The following RBFOX1 variants were observed in gnomAD, a reference collection of about 807,000 sequenced individuals.
RBFOX1 encodes the protein RNA binding fox-1 homolog 1, also known as RNA binding protein fox-1 homolog 1.
A neutral mutation model predicts 57.7 loss-of-function variants in RBFOX1; 8 were observed. That is an observed-to-expected ratio of 0.14 (90% confidence interval 0.08 to 0.25). The LOEUF (loss-of-function observed/expected upper bound fraction) is 0.25, where lower values mean the gene tolerates loss of function less well. Among genes scored for constraint, RBFOX1 ranks in the 10% least tolerant of loss-of-function variants. The pLI is 1.00. For missense variants in RBFOX1, 611 were observed against 548.5 expected, an observed-to-expected ratio of 1.11 and a Z score of -1.14; for synonymous variants, 326 against 222.4, an observed-to-expected ratio of 1.47 and a Z score of -4.15.
chr16:5,553,523 G>C (rs963227275), intron 2 of RBFOX1, among the ~76,000 whole-genome samples: 2 of 152,042 alleles, frequency 1.3e-5, no homozygotes, highest in African/African-American at 2.4e-5. Context: ...CACTGTGTTA[G>C]CCAGGATGGT....
At chr16:6,107,360 C>A (rs2096393810) in intron 1 of RBFOX1, among the ~76,000 whole-genome samples, 1 of 152,034 alleles carries the variant, frequency 6.6e-6, no homozygotes, top group Admixed American at 6.6e-5. Flanking sequence ...GGTGTTGCTT[C>A]TTTGAGATAA....
intron 2 of RBFOX1, among the ~76,000 whole-genome samples, chr16:6,600,585 A>G (rs1246342001): frequency 2.0e-5 from 3 of 152,184 alleles, no homozygotes; most frequent in Non-Finnish European, 4.4e-5. Flanking sequence ...GACCGTTAAT[A>G]TTACTTACAA....
In RBFOX1 at chr16:7,399,912, A is replaced by C. The variant is rs552507296; in HGVS notation, c.28-118235A>C. On this transcript the variant is annotated intron_variant, in intron 4 of 15. Transcript: ENST00000550418. ...AGTTCATTTTAACTTAGAATATTCA[A>C]CAACACAAAGCTAACACTTTTCTGT... 1.1e-4 allele frequency among the ~76,000 whole-genome samples: 16 copies of C among 152,312 alleles called. 1 individual carries two copies. Among genetic ancestry groups the C allele is most frequent in the Admixed American group, 1.0e-3 (16 of 15,282 alleles).
chr16:7,702,255 T>C (rs1004745967), intron 14 of RBFOX1, among the ~76,000 whole-genome samples: 1 of 152,242 alleles, frequency 6.6e-6, no homozygotes, highest in Admixed American at 6.5e-5. Flanking sequence ...TGAGGTGTCC[T>C]AAGCTCGGAA....
At chr16:5,270,268 A>C in intron 1 of RBFOX1, 2 of 608,140 alleles carry the variant, frequency 3.3e-6, no homozygotes, top group South Asian at 3.5e-5. Context: ...GATCAGTATG[A>C]TGTAAAAGCA....
intron 11 of RBFOX1, among the ~76,000 whole-genome samples, chr16:7,650,313 CTTTTTTTTT>C (rs35693712): frequency 7.2e-6 from 1 of 138,918 alleles, no homozygotes; most frequent in Non-Finnish European, 1.6e-5. Context: ...GTGGAACTCT[CTTTTTTTTT>C]TTTTTTTGGC....
intron 2 of RBFOX1, among the ~76,000 whole-genome samples, chr16:6,533,433 G>A (rs952371366): frequency 9.9e-5 from 15 of 152,144 alleles, no homozygotes; most frequent in Admixed American, 2.6e-4. Context: ...TCACTGCCAC[G>A]TGGCACCACC....
chr16:5,830,671 A>G (rs1428628932), intron 3 of RBFOX1, among the ~76,000 whole-genome samples: 1 of 152,208 alleles, frequency 6.6e-6, no homozygotes, highest in Non-Finnish European at 1.5e-5. Flanking sequence ...GCCAGATCAA[A>G]TCATGTCAGT....
chr16:7,313,629 A>G (rs1302283889), intron 4 of RBFOX1, among the ~76,000 whole-genome samples: 1 of 152,084 alleles, frequency 6.6e-6, no homozygotes, highest in Non-Finnish European at 1.5e-5. Context: ...AAATAATGAA[A>G]TAATCAATAA....
rs185148775 is a variant in RBFOX1, at chr16:7,370,421, A to G, written c.28-147726A>G. 1.6e-3 allele frequency among the ~76,000 whole-genome samples: 239 copies of G among 152,218 alleles called. 1 individual carries two copies. Among genetic ancestry groups the G allele is most frequent in the African/African-American group, 5.1e-3 (211 of 41,536 alleles). On this transcript the variant is annotated intron_variant, in intron 4 of 15. Transcript: ENST00000550418. The stretch of plus-strand genomic sequence containing the variant: ...CCTGTAACTGATTCTGAATTTTCCA[A>G]TTATATCTGCCAGGAATCACTGTAT...
chr16:6,957,337 T>C (rs1348177614), intron 3 of RBFOX1, among the ~76,000 whole-genome samples: 1 of 152,010 alleles, frequency 6.6e-6, no homozygotes, highest in Admixed American at 6.6e-5. Context: ...TTCACCATGT[T>C]AGCCAGGATG....
At chr16:7,454,368 G>C (rs910288008) in intron 4 of RBFOX1, among the ~76,000 whole-genome samples, 1 of 152,206 alleles carries the variant, frequency 6.6e-6, no homozygotes, top group South Asian at 2.1e-4. Context: ...TGTCTTGCCA[G>C]ATTTTCTTAA....
intron 3 of RBFOX1, among the ~76,000 whole-genome samples, chr16:7,026,356 T>C (rs1476040922): frequency 2.0e-5 from 3 of 152,228 alleles, no homozygotes; most frequent in African/African-American, 7.2e-5. Context: ...GCAAGGGTTT[T>C]GCAAAGGAAT....
At chr16:7,416,962 A>G (rs1308545401) in intron 4 of RBFOX1, among the ~76,000 whole-genome samples, 1 of 152,190 alleles carries the variant, frequency 6.6e-6, no homozygotes, top group Non-Finnish European at 1.5e-5. Context: ...CCAAGAACTC[A>G]TAGCTGGCAG....
chr16:6,125,361 A>G (rs2096581976), intron 1 of RBFOX1, among the ~76,000 whole-genome samples: 1 of 152,178 alleles, frequency 6.6e-6, no homozygotes, highest in South Asian at 2.1e-4. Context: ...TGAGATAGGA[A>G]AAGCAATAGA....
intron 3 of RBFOX1, among the ~76,000 whole-genome samples, chr16:6,803,879 T>A (rs1180186859): frequency 6.6e-6 from 1 of 152,204 alleles, no homozygotes; most frequent in Non-Finnish European, 1.5e-5. Flanking sequence ...TGCTGTAAGC[T>A]GCAGAGTGTT....
chr16:7,707,374 A>G (rs2082803287), intron 14 of RBFOX1, among the ~76,000 whole-genome samples: 1 of 152,114 alleles, frequency 6.6e-6, no homozygotes, highest in Non-Finnish European at 1.5e-5. Context: ...CAACCATGAG[A>G]AAGCTTGGAA....
chr16:6,889,118 A>T (rs997849796), intron 3 of RBFOX1, among the ~76,000 whole-genome samples: 1 of 152,282 alleles, frequency 6.6e-6, no homozygotes, highest in Non-Finnish European at 1.5e-5. Flanking sequence ...ATTCCAAAAA[A>T]CCTGGCTTCA....
intron 3 of RBFOX1, among the ~76,000 whole-genome samples, chr16:7,020,297 C>G (rs1030396334): frequency 6.6e-6 from 1 of 152,068 alleles, no homozygotes; most frequent in Non-Finnish European, 1.5e-5. Context: ...ACAGTCTTGG[C>G]TCACTGCAAC....
Sources: gnomAD v4.1 joint callset for allele counts (sites outside exome capture counted in the v4.1 genomes callset) on GRCh38, gnomAD v4.1.1 for gene constraint, MANE v1.5 for transcripts, NCBI Gene and HGNC (gene_info 2026-07-23, HGNC 2026-07-21) for gene names.